Variants in SLIT3 observed in about 807,000 individuals in gnomAD.
The protein encoded by SLIT3 is slit guidance ligand 3, also known as slit homolog 3 protein.
Under a neutral mutation model 184.0 loss-of-function variants are expected in SLIT3, and 68 were observed. The ratio of observed to expected loss-of-function variants is 0.37; its 90% CI spans 0.30 to 0.45. SLIT3 has a LOEUF of 0.45. Ranked by LOEUF, SLIT3 falls within the 20% of genes least tolerant of loss-of-function variation. The pLI, the probability that SLIT3 is intolerant of heterozygous loss-of-function variation, is 1.00. For missense variants in SLIT3, 1,707 were observed against 2,026.0 expected, an observed-to-expected ratio of 0.84 and a Z score of 3.02; for synonymous variants, 831 against 828.6, an observed-to-expected ratio of 1.00 and a Z score of -0.05.
intron 4 of SLIT3, among the ~76,000 whole-genome samples, chr5:168,986,265 GA>G (rs1278191766): frequency 2.0e-5 from 3 of 152,270 alleles, no homozygotes; most frequent in African/African-American, 7.2e-5. Context: ...TATGATAGAT[GA>G]TGAAATGGAG....
intron 4 of SLIT3, chr5:169,012,735 G>A (rs1311479862): frequency 1.3e-5 from 2 of 152,118 alleles, no homozygotes; most frequent in Admixed American, 6.5e-5. Context: ...AATGCCTTTA[G>A]GAAGGTAGGA....
chr5:169,174,404 A>G (rs1697005953), intron 4 of SLIT3, among the ~76,000 whole-genome samples: 1 of 152,220 alleles, frequency 6.6e-6, no homozygotes, highest in Non-Finnish European at 1.5e-5. Context: ...AGGTAGAGGA[A>G]GTGAAGAGAG....
chr5:169,297,793 G>T (rs1335295813), intron 1 of SLIT3, among the ~76,000 whole-genome samples: 2 of 152,202 alleles, frequency 1.3e-5, no homozygotes, highest in Non-Finnish European at 2.9e-5. Flanking sequence ...CTGGAATGCA[G>T]TAGAGGTTCA....
intron 5 of SLIT3, among the ~76,000 whole-genome samples, chr5:168,849,558 C>G (rs1035196303): frequency 6.6e-6 from 1 of 152,170 alleles, no homozygotes; most frequent in Non-Finnish European, 1.5e-5. Context: ...AAGGAATTAA[C>G]CCATAAGAGT....
intron 20 of SLIT3, among the ~76,000 whole-genome samples, chr5:168,741,355 C>A (rs1581025830): frequency 6.6e-6 from 1 of 151,610 alleles, no homozygotes; most frequent in East Asian, 2.0e-4. Flanking sequence ...CCTGTAGTCC[C>A]AGCTACTCGG....
chr5:168,789,434 G>A (rs1467667087), intron 11 of SLIT3, 126 bp downstream of exon 11: 3 of 634,568 alleles, frequency 4.7e-6, no homozygotes, highest in African/African-American at 3.7e-5. Flanking sequence ...CTTTTACCAG[G>A]TTGCCACAAG....
At chr5:168,887,692 C>T (rs559865609) in intron 4 of SLIT3, among the ~76,000 whole-genome samples, 1 of 152,272 alleles carries the variant, frequency 6.6e-6, no homozygotes, top group East Asian at 1.9e-4. Flanking sequence ...CACAGTCCCA[C>T]CTGGAAGTCT....
chr5:168,759,638 G>A (rs558427696), intron 16 of SLIT3, among the ~76,000 whole-genome samples: 4 of 152,300 alleles, frequency 2.6e-5, no homozygotes, highest in East Asian at 1.9e-4. Flanking sequence ...GCGTGGCCTC[G>A]CTCGACCCCA....
chr5:168,828,678 GA>G (rs1037006338), intron 6 of SLIT3, among the ~76,000 whole-genome samples: 3 of 104,156 alleles, frequency 2.9e-5, no homozygotes, highest in South Asian at 3.5e-4. Flanking sequence ...AAAGAAAAAA[GA>G]AAAAAAAATG....
At chr5:169,280,051 A>G (rs1766944050) in intron 1 of SLIT3, among the ~76,000 whole-genome samples, 1 of 152,258 alleles carries the variant, frequency 6.6e-6, no homozygotes, top group Non-Finnish European at 1.5e-5. Flanking sequence ...AGGATTATAC[A>G]TCTAGCAAGG....
chr5:168,707,951 C>CG lies in SLIT3; in HGVS notation c.2844+24dup, dbSNP rs771203820. 4.6e-4 allele frequency: 750 copies of CG among 1,612,980 alleles called. 1 individual carries two copies. The highest frequency in any genetic ancestry group is 5.5e-4 in the Non-Finnish European group (644 of 1,179,638). ...GAAGGAGGAGCCTGAGGCATGAACACGGGGGGGCAGGGCCTCCAGCATACC... is the reference window on the plus strand; with the variant it reads ...GAAGGAGGAGCCTGAGGCATGAACACGGGGGGGGCAGGGCCTCCAGCATACC... On this transcript the variant is annotated intron_variant, in intron 26 of 35. Transcript: ENST00000519560.
chr5:168,712,046 CAT>C (rs1762576164), intron 24 of SLIT3, among the ~76,000 whole-genome samples: 2 of 152,178 alleles, frequency 1.3e-5, no homozygotes, highest in Non-Finnish European at 2.9e-5. Flanking sequence ...CCCCATAGTA[CAT>C]GTTTTCTATT....
At chr5:168,722,908 A>C in intron 22 of SLIT3, 25 bp downstream of exon 22, 1 of 1,570,054 alleles carries the variant, frequency 6.4e-7, no homozygotes, top group Non-Finnish European at 8.8e-7. Context: ...AGGGCATGGT[A>C]AACACAGCAT....
chr5:169,046,388 C>A (rs1306857552), intron 4 of SLIT3, among the ~76,000 whole-genome samples: 1 of 152,220 alleles, frequency 6.6e-6, no homozygotes, highest in Non-Finnish European at 1.5e-5. Flanking sequence ...ATCAGATACA[C>A]TGCAGAACAT....
intron 4 of SLIT3, among the ~76,000 whole-genome samples, chr5:168,952,565 G>C (rs2113247577): frequency 9.5e-6 from 1 of 105,284 alleles, no homozygotes; most frequent in East Asian, 2.6e-4. Flanking sequence ...AGAAGGCAAA[G>C]GGATTTAAAA....
intron 4 of SLIT3, among the ~76,000 whole-genome samples, chr5:168,928,452 C>A (rs532243044): frequency 6.6e-6 from 1 of 152,000 alleles, no homozygotes; most frequent in Non-Finnish European, 1.5e-5. Context: ...CTCGGGTGTC[C>A]CTTGAGGATC....
At chr5:169,061,637 G>A (rs1399359869) in intron 4 of SLIT3, among the ~76,000 whole-genome samples, 1 of 152,198 alleles carries the variant, frequency 6.6e-6, no homozygotes, top group African/African-American at 2.4e-5. Flanking sequence ...GTTAGATGCA[G>A]GGAAGGTCCA....
At chr5:169,013,858 A>G (rs1337005333) in intron 4 of SLIT3, among the ~76,000 whole-genome samples, 1 of 152,098 alleles carries the variant, frequency 6.6e-6, no homozygotes, top group Non-Finnish European at 1.5e-5. Flanking sequence ...ACTTACTCTA[A>G]AGTGCCTGGT....
At chr5:168,679,564 A>ATCC (rs1322905605) in intron 32 of SLIT3, among the ~76,000 whole-genome samples, 2 of 152,058 alleles carry the variant, frequency 1.3e-5, no homozygotes, top group African/African-American at 2.4e-5. Flanking sequence ...GTCTTAAGGG[A>ATCC]CTTGAGGGAG....
Sources: gnomAD v4.1 joint callset for allele counts (sites outside exome capture counted in the v4.1 genomes callset) on GRCh38, gnomAD v4.1.1 for gene constraint, MANE v1.5 for transcripts, NCBI Gene and HGNC (gene_info 2026-07-23, HGNC 2026-07-21) for gene names.